Variants in EML1 observed in about 807,000 individuals in gnomAD.
EML1 encodes the protein EMAP like 1, also known as echinoderm microtubule-associated protein-like 1.
In EML1, 27 loss-of-function variants were observed where a neutral mutation model predicts 110.4. That is an observed-to-expected ratio of 0.24 (90% CI 0.18 to 0.34). EML1 has a LOEUF of 0.34. EML1 is among the 10% of genes least tolerant of loss of function. The pLI is 1.00. For synonymous variants in EML1, 344 were observed against 385.8 expected, an observed-to-expected ratio of 0.89 and a Z score of 1.27; for missense variants, 741 against 1,030.9, an observed-to-expected ratio of 0.72 and a Z score of 3.85.
chr14:99,930,536 A>G (rs1273265206), intron 17 of EML1, among the ~76,000 whole-genome samples: 2 of 152,242 alleles, frequency 1.3e-5, no homozygotes, highest in African/African-American at 4.8e-5. Flanking sequence ...GGACTATTTT[A>G]TATAACATGG....
At chr14:99,892,199 G>C in intron 5 of EML1, 1 of 985,396 alleles carries the variant, frequency 1.0e-6, no homozygotes, top group Non-Finnish European at 1.2e-6. Flanking sequence ...TGCAAAGGTA[G>C]GCAGCATTTC....
intron 1 of EML1, among the ~76,000 whole-genome samples, chr14:99,745,907 G>C (rs914192919): frequency 5.9e-5 from 9 of 152,166 alleles, no homozygotes; most frequent in African/African-American, 2.2e-4. Context: ...TTTGAGGCTA[G>C]AGCAGGGAAT....
rs372232677 is a variant in EML1, at chr14:99,797,201, G to A, written c.67+3658G>A. On this transcript the variant is annotated intron_variant, in intron 1 of 21. Coordinates refer to ENST00000262233, the MANE Select transcript of EML1 (RefSeq NM_004434.3). ...TTTTATTTAAATGGAATTATAGAAT[G>A]TTTGGTATTTTGTTCCTGGCTTCTT... is the stretch of plus-strand genomic sequence containing the variant. 2.4e-4 allele frequency among the ~76,000 whole-genome samples: 36 copies of A among 152,262 alleles called. No homozygotes were observed. The East Asian group carries it at 5.6e-3, about 24-fold the overall frequency.
Position 99,773,595 on chromosome 14 carries a change from C to T in EML1, c.-445C>T, listed in dbSNP as rs561389583. ...CACTTGCTTCCGGATCCCCTCTCTGCTCTGCAGAACTCCCAGGCCACGGAG... is the reference window on the plus strand; with the variant it reads ...CACTTGCTTCCGGATCCCCTCTCTGTTCTGCAGAACTCCCAGGCCACGGAG... On this transcript the variant is annotated 5_prime_UTR_variant, in exon 1 of 23. Coordinates refer to the EML1 transcript ENST00000327921. The T allele has an allele frequency of 3.3e-5, 5 of 152,414 alleles. No individual in the cohort carries two copies. In the East Asian group the frequency reaches 9.6e-4, roughly 29 times the overall value. The allele number at this position is 152,414 out of a possible 1,614,324, so 9.4% of individuals were successfully genotyped here.
rs1365591628 is a variant in EML1 at position 99,900,672 on chromosome 14, A to G, written c.898-257A>G. On this transcript the variant is annotated intron_variant, in intron 8 of 21. Coordinates refer to ENST00000262233, the MANE Select transcript of EML1 (RefSeq NM_004434.3). ...TTAAAGTGTCAGTTCCCATGGTACT[A>G]TTGTCAAAAATTGGCCATTCAAATT... Among the ~76,000 whole-genome samples the G allele has an allele frequency of 2.6e-5, 4 of 152,236 alleles. No individual in the cohort carries two copies. In the East Asian group the frequency reaches 7.7e-4, roughly 29 times the overall value.
intron 1 of EML1, among the ~76,000 whole-genome samples, chr14:99,764,322 G>A (rs1167095264): frequency 1.3e-5 from 2 of 152,174 alleles, no homozygotes; most frequent in South Asian, 2.1e-4. Flanking sequence ...AGGGAAGTGC[G>A]GCTCAGAGAG....
intron 1 of EML1, among the ~76,000 whole-genome samples, chr14:99,774,777 G>A (rs1451612618): frequency 6.6e-6 from 1 of 152,190 alleles, no homozygotes; most frequent in Non-Finnish European, 1.5e-5. Context: ...GCCTTGAGTA[G>A]GGGAGAAGCT....
intron 17 of EML1, among the ~76,000 whole-genome samples, chr14:99,924,946 G>A (rs1234359562): frequency 6.6e-6 from 1 of 152,094 alleles, no homozygotes; most frequent in African/African-American, 2.4e-5. Context: ...CCTTAATCAT[G>A]GTGTATAATC....
chr14:99,740,044 C>T (rs1201339029), intron 1 of EML1, among the ~76,000 whole-genome samples: 2 of 152,178 alleles, frequency 1.3e-5, no homozygotes, highest in African/African-American at 4.8e-5. Context: ...ATGTAACACA[C>T]CTAAAATAAC....
At chr14:99,750,203 C>A (rs74085368) in intron 1 of EML1, among the ~76,000 whole-genome samples, 2,069 of 152,316 alleles carry the variant, frequency 0.014, 56 homozygotes, top group African/African-American at 0.046. Context: ...CCGGAGGGAA[C>A]AATTCACGTT....
Position 99,919,398 on chromosome 14 carries a change from CCACACACACACATACGCATGCACACAGA to C in EML1, c.1821-1378_1821-1351del, listed in dbSNP as rs778311777. On this transcript the variant is annotated intron_variant, in intron 16 of 21. Transcript: ENST00000262233. ...ATTCTTCATGAAAACGTTTGTATAG[CCACACACACACATACGCATGCACACAGA>C]CACACACACACACACACACACACAC... Among the ~76,000 whole-genome samples the C allele has an allele frequency of 3.0e-3, 397 of 130,990 alleles. 6 individuals carry two copies. The highest frequency in any genetic ancestry group is 0.03 in the East Asian group (125 of 4,172). 85.9% of individuals were successfully genotyped at this position (130,990 alleles called of 152,430 possible).
chr14:99,808,628 G>A (rs58105373), intron 1 of EML1, among the ~76,000 whole-genome samples: 11 of 152,012 alleles, frequency 7.2e-5, no homozygotes, highest in East Asian at 3.9e-4. Flanking sequence ...GGCCAACCAC[G>A]GTGTGTATTT....
intron 1 of EML1, among the ~76,000 whole-genome samples, chr14:99,748,655 C>G (rs564607648): frequency 1.3e-5 from 2 of 151,666 alleles, no homozygotes; most frequent in Admixed American, 6.6e-5. Flanking sequence ...GAGACCCTGT[C>G]TCAAAAAAAA....
chr14:99,739,454 C>G (rs2057016014), intron 1 of EML1, among the ~76,000 whole-genome samples: 1 of 152,174 alleles, frequency 6.6e-6, no homozygotes, highest in Non-Finnish European at 1.5e-5. Context: ...TGAGCATGCA[C>G]GTGTGTGCGC....
intron 20 of EML1, among the ~76,000 whole-genome samples, chr14:99,938,206 C>T (rs1336438421): frequency 2.6e-5 from 4 of 152,124 alleles, no homozygotes; most frequent in African/African-American, 9.7e-5. Flanking sequence ...CCACATGGAC[C>T]TAGGTGGACC....
intron 4 of EML1, chr14:99,885,965 T>C (rs1167785334): frequency 9.0e-6 from 4 of 445,732 alleles, no homozygotes; most frequent in African/African-American, 4.0e-5. Flanking sequence ...CCTTCCACCA[T>C]GTTAAGCTGG....
At chr14:99,887,833 A>G (rs1225481661) in intron 4 of EML1, among the ~76,000 whole-genome samples, 1 of 152,160 alleles carries the variant, frequency 6.6e-6, no homozygotes, top group Non-Finnish European at 1.5e-5. Flanking sequence ...CGGTGGCTTC[A>G]ATGTTCTCTT....
intron 1 of EML1, among the ~76,000 whole-genome samples, chr14:99,826,440 G>C (rs79456528): frequency 0.031 from 4,714 of 152,206 alleles, 93 homozygotes; most frequent in Non-Finnish European, 0.041. Flanking sequence ...GCAAGAAAGG[G>C]ATAGGACTAA....
upstream of EML1, among the ~76,000 whole-genome samples, chr14:99,772,611 T>C (rs970105766): frequency 1.3e-5 from 2 of 152,256 alleles, no homozygotes; most frequent in Non-Finnish European, 2.9e-5. Context: ...GGCATTGTTT[T>C]TATTATTTTG....
Sources: allele counts gnomAD v4.1 joint callset (sites outside exome capture counted in the v4.1 genomes callset), GRCh38; gene constraint gnomAD v4.1.1; transcripts MANE v1.5; gene names NCBI Gene and HGNC (gene_info 2026-07-23, HGNC 2026-07-21).